Variants in NFIB observed in about 807,000 individuals in gnomAD.
NFIB encodes nuclear factor I B, also known as nuclear factor 1 B-type.
NFIB carries 11 observed loss-of-function variants against 61.5 expected under a neutral mutation model. That is an observed-to-expected ratio of 0.18 (90% CI 0.11 to 0.30). The LOEUF (loss-of-function observed/expected upper bound fraction) is 0.30. Among genes scored for constraint, NFIB ranks in the 10% least tolerant of loss-of-function variants. The pLI, the probability that NFIB is intolerant of heterozygous loss-of-function variation, is 1.00. For synonymous variants in NFIB, 260 were observed against 216.5 expected (o/e 1.20, Z -1.76); for missense variants, 471 against 608.9 (o/e 0.77, Z 2.38).
intron 2 of NFIB, among the ~76,000 whole-genome samples, chr9:14,203,815 G>A (rs10961420): frequency 0.11 from 17,129 of 152,144 alleles, 1,202 homozygotes; most frequent in East Asian, 0.39. Flanking sequence ...AATACTACCA[G>A]ATAGAAAATG....
At chr9:14,121,350 C>G (rs1015241282) in intron 7 of NFIB, among the ~76,000 whole-genome samples, 5 of 152,172 alleles carry the variant, frequency 3.3e-5, no homozygotes, top group Non-Finnish European at 7.3e-5. Context: ...AAGTCCAGAG[C>G]AAGTCACAGC....
the NFIB span, among the ~76,000 whole-genome samples, chr9:14,503,848 T>C: frequency 6.6e-6 from 1 of 152,322 alleles, no homozygotes; most frequent in African/African-American, 2.4e-5. Flanking sequence ...TATTTATCTT[T>C]GTTTTTGTTG....
intron 2 of NFIB, among the ~76,000 whole-genome samples, chr9:14,262,543 C>A (rs545300476): frequency 6.6e-6 from 1 of 152,210 alleles, no homozygotes; most frequent in South Asian, 2.1e-4. Context: ...GAAGAAGGAG[C>A]GCAATGGGAT....
At chr9:14,400,063 G>C (rs1316006534), upstream of NFIB, among the ~76,000 whole-genome samples, 4 of 151,542 alleles carry the variant, frequency 2.6e-5, no homozygotes, top group Non-Finnish European at 5.9e-5. Context: ...GTAAGTCCTG[G>C]ACTTTAAAAC....
intron 1 of NFIB, among the ~76,000 whole-genome samples, chr9:14,346,032 C>A (rs1161876511): frequency 6.6e-6 from 1 of 152,184 alleles, no homozygotes; most frequent in African/African-American, 2.4e-5. Flanking sequence ...GGTGGGAGGC[C>A]TCGCCTGTGG....
intron 1 of NFIB, chr9:14,361,792 A>G (rs1256729885): frequency 6.6e-6 from 1 of 152,238 alleles, no homozygotes; most frequent in African/African-American, 2.4e-5. Context: ...AAACTTGGGA[A>G]CAAATGAGGT....
rs2118436050 is a variant in NFIB at position 14,087,123 on chromosome 9, A to T, written c.*1186T>A. 1 of 202,520 alleles carries T rather than the reference A, an allele frequency of 4.9e-6. No homozygotes were observed. The highest frequency in any genetic ancestry group is 1.9e-4 in the South Asian group (1 of 5,244). 12.5% of individuals were successfully genotyped at this position (202,520 alleles called of 1,614,324 possible). A position where few individuals can be genotyped will look rare whatever the true frequency, so the allele number is the denominator to read the frequency against. On this transcript the variant is annotated 3_prime_UTR_variant, in exon 11 of 11. Transcript: ENST00000380953. ...ATTTGCCTGCCTCTTTGTCTCTATAATGCAGATTTTATAGAACCTTTTGTA... is the reference window on the plus strand; with the variant it reads ...ATTTGCCTGCCTCTTTGTCTCTATATTGCAGATTTTATAGAACCTTTTGTA...
the NFIB span, among the ~76,000 whole-genome samples, chr9:14,501,238 C>G: frequency 2.0e-5 from 3 of 152,076 alleles, no homozygotes; most frequent in Admixed American, 6.5e-5. Context: ...CCTCTCTTTC[C>G]GCTCCTATGA....
intron 3 of NFIB, among the ~76,000 whole-genome samples, chr9:14,175,329 A>G (rs1253580810): frequency 2.6e-5 from 4 of 151,384 alleles, no homozygotes; most frequent in East Asian, 3.9e-4. Flanking sequence ...GCCCGCCACC[A>G]TGCCCGGCTA....
chr9:14,100,878 C>T (rs1307106563), intron 10 of NFIB, among the ~76,000 whole-genome samples: 2 of 152,142 alleles, frequency 1.3e-5, no homozygotes, highest in Non-Finnish European at 2.9e-5. Flanking sequence ...AACATGAGTA[C>T]ACGTCATCTG....
chr9:14,300,162 T>C lies in NFIB; in HGVS notation c.562+6827A>G, dbSNP rs562323964. The C allele has an allele frequency of 2.1e-4, 84 of 398,446 alleles. No homozygotes were observed. The South Asian group carries it at 0.01, about 48-fold the overall frequency. 24.7% of individuals were successfully genotyped at this position (398,446 alleles called of 1,614,324 possible). A position where few individuals can be genotyped will look rare whatever the true frequency, so the allele number is the denominator to read the frequency against. ...AACTGGAGTTCAAGGTCCCAAGAAT[T>C]TACTTTAAAATGAGACAACATACCA... On this transcript the variant is annotated intron_variant, in intron 2 of 10. Coordinates refer to ENST00000380953, the MANE Select transcript of NFIB (RefSeq NM_001190737.2).
At chr9:14,244,527 T>C (rs2054687733) in intron 2 of NFIB, among the ~76,000 whole-genome samples, 1 of 152,154 alleles carries the variant, frequency 6.6e-6, no homozygotes, top group African/African-American at 2.4e-5. Flanking sequence ...GCTTTACCGA[T>C]AACTTTAATC....
At chr9:14,266,859 T>G (rs933489164) in intron 2 of NFIB, among the ~76,000 whole-genome samples, 2 of 152,328 alleles carry the variant, frequency 1.3e-5, no homozygotes, top group Non-Finnish European at 2.9e-5. Context: ...TTTTATTGAT[T>G]TATTATTACA....
chr9:14,491,581 C>G, the NFIB span, among the ~76,000 whole-genome samples: 2 of 152,146 alleles, frequency 1.3e-5, no homozygotes, highest in African/African-American at 2.4e-5. Context: ...AAATCCACAG[C>G]CTGTTAATTG....
At chr9:14,330,001 C>T (rs2060802536) in intron 1 of NFIB, among the ~76,000 whole-genome samples, 1 of 151,942 alleles carries the variant, frequency 6.6e-6, no homozygotes, top group African/African-American at 2.4e-5. Context: ...GTGGCACAGG[C>T]CTGTAGTCTC....
intron 1 of NFIB, among the ~76,000 whole-genome samples, chr9:14,391,503 C>T (rs1355165401): frequency 6.6e-6 from 1 of 152,098 alleles, no homozygotes; most frequent in Non-Finnish European, 1.5e-5. Flanking sequence ...TCAGCAGCTT[C>T]CTGATAAGAT....
At chr9:14,097,839 AC>A (rs561034951) in intron 10 of NFIB, among the ~76,000 whole-genome samples, 2 of 127,234 alleles carry the variant, frequency 1.6e-5, no homozygotes, top group Admixed American at 8.0e-5. Flanking sequence ...GAGAGCTATT[AC>A]CCCCCCACAC....
intron 2 of NFIB, among the ~76,000 whole-genome samples, chr9:14,274,164 C>T (rs1028900941): frequency 6.6e-6 from 1 of 151,518 alleles, no homozygotes; most frequent in African/African-American, 2.4e-5. Flanking sequence ...AGAAAGTAGA[C>T]ATTTCCACTG....
At chr9:14,268,414 T>C (rs963178327) in intron 2 of NFIB, among the ~76,000 whole-genome samples, 3 of 152,118 alleles carry the variant, frequency 2.0e-5, no homozygotes, top group Non-Finnish European at 4.4e-5. Flanking sequence ...CCACTTCGCC[T>C]ACACAGGCTA....
Sources: gnomAD v4.1 joint callset for allele counts (sites outside exome capture counted in the v4.1 genomes callset) on GRCh38, gnomAD v4.1.1 for gene constraint, MANE v1.5 for transcripts, NCBI Gene and HGNC (gene_info 2026-07-23, HGNC 2026-07-21) for gene names.